The following SNX7 variants were observed in gnomAD, a reference collection of about 807,000 sequenced individuals.
The protein encoded by SNX7 is sorting nexin-7.
Under a neutral mutation model 48.4 loss-of-function variants are expected in SNX7, and 35 were observed. That is an observed-to-expected ratio of 0.72 (90% CI 0.55 to 0.96). The LOEUF (loss-of-function observed/expected upper bound fraction) is 0.96. Ranked by LOEUF, SNX7 falls within the 40% of genes least tolerant of loss-of-function variation. SNX7 has a pLI of 0.00. For synonymous variants in SNX7, 190 were observed against 190.2 expected, an observed-to-expected ratio of 1.00 and a Z score of 0.01; for missense variants, 553 against 548.9, an observed-to-expected ratio of 1.01 and a Z score of -0.07.
chr1:98,694,233 G>T (rs1281115791), intron 4 of SNX7, among the ~76,000 whole-genome samples: 1 of 151,958 alleles, frequency 6.6e-6, no homozygotes, highest in African/African-American at 2.4e-5. Flanking sequence ...AGCCGGGCGC[G>T]GTGGTGGGCA....
In SNX7 at chr1:98,695,517, G is replaced by A; in HGVS notation, c.640-1G>A. 1.2e-6 allele frequency: 2 copies of A among 1,610,298 alleles called. No homozygotes were observed. Among genetic ancestry groups the A allele is most frequent in the Non-Finnish European group, 1.7e-6 (2 of 1,178,956 alleles). On this transcript the variant is annotated splice_acceptor_variant, in intron 4 of 8. Transcript: ENST00000306121. LOFTEE classifies it high-confidence loss of function. Reference sequence around the variant, plus strand: ...AGAAATACTTGGTTTTTTGTTTCTAGGAACTCTCTTCTCACAAGAAGCAAG... The same window carrying A: ...AGAAATACTTGGTTTTTTGTTTCTAAGAACTCTCTTCTCACAAGAAGCAAG...
chr1:98,689,919 T>C (rs1651022323), intron 2 of SNX7, among the ~76,000 whole-genome samples: 1 of 152,184 alleles, frequency 6.6e-6, no homozygotes, highest in Non-Finnish European at 1.5e-5. Flanking sequence ...GTTTCTTAGA[T>C]TTCTGCATTT....
At chr1:98,687,634 C>T (rs1010598083) in intron 2 of SNX7, among the ~76,000 whole-genome samples, 4 of 152,040 alleles carry the variant, frequency 2.6e-5, no homozygotes, top group African/African-American at 9.7e-5. Context: ...TGTTTTCACT[C>T]TGAAGAAGGG....
At chr1:98,701,967 T>A in intron 7 of SNX7, 64 bp downstream of exon 7, 1 of 1,077,098 alleles carries the variant, frequency 9.3e-7, no homozygotes, top group Non-Finnish European at 1.4e-6. Flanking sequence ...TTATTAGCAA[T>A]GTCCTTACAT....
At chr1:98,671,115 C>T (rs1649840705) in intron 1 of SNX7, among the ~76,000 whole-genome samples, 1 of 152,122 alleles carries the variant, frequency 6.6e-6, no homozygotes, top group African/African-American at 2.4e-5. Flanking sequence ...GATTCAATAG[C>T]TATGTGGTTA....
chr1:98,733,028 T>G (rs1232396803), intron 7 of SNX7, among the ~76,000 whole-genome samples: 1 of 152,080 alleles, frequency 6.6e-6, no homozygotes, highest in Non-Finnish European at 1.5e-5. Flanking sequence ...ACCACCCAAA[T>G]TAGTGTAGCA....
intron 4 of SNX7, among the ~76,000 whole-genome samples, chr1:98,692,885 A>G (rs1206765096): frequency 2.0e-5 from 3 of 152,202 alleles, no homozygotes; most frequent in African/African-American, 7.2e-5. Flanking sequence ...TACACATTTT[A>G]GGGTAGTAAA....
At chr1:98,701,659 CAAAA>C (rs5776431) in intron 6 of SNX7, among the ~76,000 whole-genome samples, 154 bp from the exon 7 acceptor site, 1 of 143,676 alleles carries the variant, frequency 7.0e-6, no homozygotes, top group Non-Finnish European at 1.5e-5. Flanking sequence ...TAGAGAGTAA[CAAAA>C]AAAAAAAAAC....
chr1:98,726,004 C>G (rs1454482778), intron 7 of SNX7, among the ~76,000 whole-genome samples: 1 of 152,070 alleles, frequency 6.6e-6, no homozygotes, highest in Non-Finnish European at 1.5e-5. Flanking sequence ...GTTTTCTTTT[C>G]TTACAGGTCC....
At chr1:98,726,710 T>C (rs1653193757) in intron 7 of SNX7, among the ~76,000 whole-genome samples, 1 of 152,070 alleles carries the variant, frequency 6.6e-6, no homozygotes, top group Admixed American at 6.5e-5. Context: ...GTTTGGAGGG[T>C]ACTTATTTTA....
intron 1 of SNX7, among the ~76,000 whole-genome samples, chr1:98,679,257 G>A (rs112263639): frequency 9.9e-5 from 15 of 152,050 alleles, no homozygotes; most frequent in Non-Finnish European, 1.9e-4. Flanking sequence ...CTCGTGAAAC[G>A]TATTCATTGT....
chr1:98,661,801 A>AGCC lies in SNX7; in HGVS notation c.71_73dup (p.Ser24_Pro25insArg). ...CCCGGCCGGGGGCGCCAACGGGGAG[A>AGCC]GCCCGGGGGGCGGCGCCCCCTTTCC... On this transcript the variant is annotated inframe_insertion, in exon 1 of 9. Transcript: ENST00000306121. The AGCC allele has an allele frequency of 8.0e-7, 1 of 1,244,458 alleles. No individual in the cohort carries two copies. Among genetic ancestry groups the AGCC allele is most frequent in the Non-Finnish European group, 1.0e-6 (1 of 986,940 alleles). 77.1% of individuals were successfully genotyped at this position (1,244,458 alleles called of 1,614,324 possible).
At chr1:98,739,618 A>G (rs1034429799) in intron 8 of SNX7, among the ~76,000 whole-genome samples, 3 of 152,310 alleles carry the variant, frequency 2.0e-5, no homozygotes, top group African/African-American at 7.2e-5. Context: ...TTGCAGGGTC[A>G]TATAACCTAA....
At chr1:98,677,877 CAAA>C (rs11346156) in intron 1 of SNX7, among the ~76,000 whole-genome samples, 50 of 116,516 alleles carry the variant, frequency 4.3e-4, no homozygotes, top group Admixed American at 6.9e-4. Flanking sequence ...GACGCTGTCT[CAAA>C]AAAAAAAAAA....
At chr1:98,684,398 G>A (rs1283168209) in intron 1 of SNX7, among the ~76,000 whole-genome samples, 2 of 152,272 alleles carry the variant, frequency 1.3e-5, no homozygotes, top group Admixed American at 1.3e-4. Flanking sequence ...GGCAGTTTTG[G>A]CCTCTGGCAA....
At chr1:98,745,318 T>C (rs1288013788) in intron 8 of SNX7, among the ~76,000 whole-genome samples, 1 of 152,014 alleles carries the variant, frequency 6.6e-6, no homozygotes, top group Non-Finnish European at 1.5e-5. Flanking sequence ...TTCTCTTTCC[T>C]TATTATGAAA....
intron 7 of SNX7, among the ~76,000 whole-genome samples, chr1:98,731,784 A>G (rs1653527901): frequency 6.6e-6 from 1 of 152,116 alleles, no homozygotes; most frequent in South Asian, 2.1e-4. Flanking sequence ...GCATATGATT[A>G]TCTTATGGAA....
chr1:98,700,194 A>G (rs1651677244), intron 6 of SNX7, among the ~76,000 whole-genome samples: 1 of 152,186 alleles, frequency 6.6e-6, no homozygotes, highest in Non-Finnish European at 1.5e-5. Context: ...CTTATATTGC[A>G]TTTCTTGTTC....
At chr1:98,695,788 A>T in intron 5 of SNX7, 72 bp downstream of exon 5, 3 of 1,049,720 alleles carry the variant, frequency 2.9e-6, no homozygotes, top group Non-Finnish European at 4.4e-6. Flanking sequence ...TGTTGGTGTA[A>T]TATAGCAACA....
Sources: allele counts gnomAD v4.1 joint callset (sites outside exome capture counted in the v4.1 genomes callset), GRCh38; gene constraint gnomAD v4.1.1; transcripts MANE v1.5; gene names NCBI Gene and HGNC (gene_info 2026-07-23, HGNC 2026-07-21).